The following UTRN variants were observed in gnomAD, a reference collection of about 807,000 sequenced individuals.
The protein encoded by UTRN is dystrophin-related protein 1.
Under a neutral mutation model 463.9 loss-of-function variants are expected in UTRN, and 283 were observed. That is an observed-to-expected ratio of 0.61 (90% CI 0.55 to 0.67). The LOEUF is 0.67. UTRN is among the 30% of genes least tolerant of loss of function. The pLI is 0.00. For synonymous variants in UTRN, 1,442 were observed against 1,431.5 expected (o/e 1.01, Z -0.17); for missense variants, 3,922 against 4,084.3 (o/e 0.96, Z 1.08).
chr6:144,442,780 A>G (rs1481601336), intron 13 of UTRN, among the ~76,000 whole-genome samples: 1 of 152,206 alleles, frequency 6.6e-6, no homozygotes, highest in African/African-American at 2.4e-5. Flanking sequence ...TTATAATGCA[A>G]GATGAGATTT....
chr6:144,672,480 T>C (rs1368634748), intron 51 of UTRN, among the ~76,000 whole-genome samples: 1 of 152,100 alleles, frequency 6.6e-6, no homozygotes, highest in African/African-American at 2.4e-5. Flanking sequence ...CCTTGAATCA[T>C]CTTTTGTATT....
At chr6:144,436,646 G>T (rs1401938614) in intron 10 of UTRN, among the ~76,000 whole-genome samples, 2 of 150,866 alleles carry the variant, frequency 1.3e-5, no homozygotes, top group African/African-American at 4.9e-5. Flanking sequence ...TTTTTCTTTT[G>T]TATAGTTATG....
chr6:144,293,568 G>T (rs1183820822), intron 2 of UTRN, among the ~76,000 whole-genome samples: 1 of 151,826 alleles, frequency 6.6e-6, no homozygotes, highest in Non-Finnish European at 1.5e-5. Context: ...TACATAAAAA[G>T]GTACACTCAA....
At position 144,448,876 on chromosome 6, in the gene UTRN, A is replaced by G. The variant is rs1303854151; in HGVS notation, c.2072+107A>G. The G allele has an allele frequency of 3.9e-6, 5 of 1,266,220 alleles. No individual in the cohort carries two copies. The East Asian group carries it at 7.7e-5, about 19-fold the overall frequency. 78.4% of individuals were successfully genotyped at this position (1,266,220 alleles called of 1,614,324 possible). A position where few individuals can be genotyped will look rare whatever the true frequency, so the allele number is the denominator to read the frequency against. ...TTAATCATAGGCAAATCTAGACATA[A>G]TAAGTATTATTATTATGAAAAGTCA... is the stretch of plus-strand genomic sequence containing the variant. On this transcript the variant is annotated intron_variant, in intron 17 of 74. Transcript: ENST00000367545.
chr6:144,487,131 C>G (rs1183220150), intron 28 of UTRN, among the ~76,000 whole-genome samples: 1 of 151,786 alleles, frequency 6.6e-6, no homozygotes, highest in Admixed American at 6.6e-5. Flanking sequence ...ATGAGCATTT[C>G]CCCATATAAT....
chr6:144,285,874 G>A (rs773326380), intron 1 of UTRN, 53 bp downstream of exon 1: 3 of 152,184 alleles, frequency 2.0e-5, no homozygotes, highest in Non-Finnish European at 4.4e-5. Flanking sequence ...TACAGCCCCC[G>A]AGGGAATGGG....
intron 53 of UTRN, among the ~76,000 whole-genome samples, chr6:144,716,221 A>G (rs1332927313): frequency 6.6e-6 from 1 of 151,622 alleles, no homozygotes; most frequent in Non-Finnish European, 1.5e-5. Flanking sequence ...TTGTTGAGAT[A>G]GCTTTTAAAA....
At chr6:144,632,723 C>G (rs1776658262) in intron 51 of UTRN, among the ~76,000 whole-genome samples, 1 of 142,236 alleles carries the variant, frequency 7.0e-6, no homozygotes, top group African/African-American at 2.6e-5. Context: ...TAAACTTTTA[C>G]TTTTTTTTTT....
chr6:144,554,417 G>T (rs1799201804), intron 48 of UTRN, among the ~76,000 whole-genome samples: 1 of 152,108 alleles, frequency 6.6e-6, no homozygotes, highest in South Asian at 2.1e-4. Flanking sequence ...TTGTTTGGCA[G>T]TATCAGTTTA....
chr6:144,516,699 A>T, intron 38 of UTRN, 112 bp from the exon 39 acceptor site: 1 of 846,626 alleles, frequency 1.2e-6, no homozygotes, highest in Non-Finnish European at 1.6e-6. Context: ...AGGTTAACAT[A>T]TCTTGACGTA....
At chr6:144,655,511 C>T (rs191119701) in intron 51 of UTRN, among the ~76,000 whole-genome samples, 381 of 152,286 alleles carry the variant, frequency 2.5e-3, no homozygotes, top group Non-Finnish European at 4.1e-3. Context: ...ATAAACTTTT[C>T]TCCCCATGCC....
At chr6:144,783,735 G>A (rs187814637) in intron 61 of UTRN, among the ~76,000 whole-genome samples, 5 of 151,916 alleles carry the variant, frequency 3.3e-5, no homozygotes, top group East Asian at 1.9e-4. Context: ...CTCCTCTCTC[G>A]ATTTTTTTTA....
intron 51 of UTRN, among the ~76,000 whole-genome samples, chr6:144,634,668 C>G (rs1218021079): frequency 6.6e-6 from 1 of 152,172 alleles, no homozygotes; most frequent in Non-Finnish European, 1.5e-5. Context: ...CACCCTGTAG[C>G]TATTATCTCC....
At chr6:144,455,421 T>A (rs1280556747) in intron 19 of UTRN, among the ~76,000 whole-genome samples, 3 of 152,232 alleles carry the variant, frequency 2.0e-5, no homozygotes, top group Non-Finnish European at 4.4e-5. Context: ...ATAATTATAA[T>A]GCATTGGATG....
intron 58 of UTRN, among the ~76,000 whole-genome samples, chr6:144,764,311 T>G (rs1011313882): frequency 1.3e-5 from 2 of 152,222 alleles, no homozygotes; most frequent in Non-Finnish European, 2.9e-5. Flanking sequence ...AGAAATCTTA[T>G]GTATTACTGG....
At chr6:144,597,179 A>G (rs890004876) in intron 51 of UTRN, among the ~76,000 whole-genome samples, 2 of 150,308 alleles carry the variant, frequency 1.3e-5, no homozygotes, top group Admixed American at 1.4e-4. Flanking sequence ...CGAAGGTTGC[A>G]GTGAACCGAG....
intron 42 of UTRN, among the ~76,000 whole-genome samples, chr6:144,532,785 T>C (rs1797181750): frequency 6.6e-6 from 1 of 152,244 alleles, no homozygotes; most frequent in Admixed American, 6.5e-5. Context: ...ACATGATTGA[T>C]GCTTATGCTT....
At chr6:144,384,120 C>T (rs773532541) in intron 2 of UTRN, among the ~76,000 whole-genome samples, 8 of 152,104 alleles carry the variant, frequency 5.3e-5, no homozygotes, top group Non-Finnish European at 7.3e-5. Flanking sequence ...GTACATACAT[C>T]TTGTTATATA....
intron 51 of UTRN, among the ~76,000 whole-genome samples, chr6:144,636,841 G>T (rs1777227287): frequency 6.6e-6 from 1 of 152,052 alleles, no homozygotes; most frequent in African/African-American, 2.4e-5. Context: ...GAACATGATT[G>T]GATTTCTGCT....
Sources: gnomAD v4.1 joint callset for allele counts (sites outside exome capture counted in the v4.1 genomes callset) on GRCh38, gnomAD v4.1.1 for gene constraint, MANE v1.5 for transcripts, NCBI Gene and HGNC (gene_info 2026-07-23, HGNC 2026-07-21) for gene names.